PRRG1: variants seen among roughly 807,000 people sequenced by gnomAD.
The protein encoded by PRRG1 is transmembrane gamma-carboxyglutamic acid protein 1.
PRRG1 carries 5 observed loss-of-function variants against 11.8 expected under a neutral mutation model. The observed-to-expected ratio is 0.42, with a 90% confidence interval of 0.22 to 0.89. PRRG1 has a LOEUF of 0.89. Ranked by LOEUF, PRRG1 falls within the 40% of genes least tolerant of loss-of-function variation. PRRG1 has a pLI of 0.28. For synonymous variants in PRRG1, 66 were observed against 60.4 expected, an observed-to-expected ratio of 1.09 and a Z score of -0.43; for missense variants, 155 against 166.1, an observed-to-expected ratio of 0.93 and a Z score of 0.37.
intron 1 of PRRG1, among the ~76,000 whole-genome samples, chrX:37,354,594 C>G (rs1203324538): frequency 3.7e-5 from 4 of 108,743 alleles, no homozygotes; most frequent in African/African-American, 1.3e-4. Flanking sequence ...GGGTTTTCAC[C>G]GTGTTAGCCA....
chrX:37,410,430 T>A (rs1251071716), intron 2 of PRRG1, among the ~76,000 whole-genome samples: 3 of 112,026 alleles, frequency 2.7e-5, no homozygotes, highest in Non-Finnish European at 5.6e-5. Flanking sequence ...CATATCTTAA[T>A]CATCAGTAGT....
intron 1 of PRRG1, among the ~76,000 whole-genome samples, chrX:37,370,882 G>A (rs1402174491): frequency 4.5e-5 from 5 of 112,007 alleles, no homozygotes; most frequent in South Asian, 3.8e-4. Flanking sequence ...GGGTGCCAAC[G>A]AGCATGGGAG....
chrX:37,387,599 T>C (rs913512552), intron 1 of PRRG1, among the ~76,000 whole-genome samples: 45 of 110,992 alleles, frequency 4.1e-4, no homozygotes, highest in African/African-American at 1.5e-3. Context: ...GAGAACTCAC[T>C]ATCACAAGAA....
chrX:37,446,539 G>A (rs1602040851), intron 3 of PRRG1, among the ~76,000 whole-genome samples: 1 of 112,078 alleles, frequency 8.9e-6, no homozygotes. Flanking sequence ...TCATGTCCCT[G>A]ACTGCAGGCT....
chrX:37,455,093 T>C lies in PRRG1; in HGVS notation c.*1472T>C, dbSNP rs782719540. On this transcript the variant is annotated 3_prime_UTR_variant, in exon 4 of 4. Transcript: ENST00000378628. ...TTCCAGCTCCATCCCTACAGACTCC[T>C]CCCCGAGTCCTGCCCTGGAACCAAA... 1 of 111,071 alleles carries C rather than the reference T, an allele frequency of 9.0e-6. No individual in the cohort carries two copies. The highest frequency in any genetic ancestry group is 1.9e-5 in the Non-Finnish European group (1 of 53,004). 9.2% of individuals were successfully genotyped at this position (111,071 alleles called of 1,213,427 possible).
intron 1 of PRRG1, chrX:37,403,778 G>A: frequency 2.7e-6 from 2 of 752,663 alleles, no homozygotes; most frequent in Non-Finnish European, 1.6e-6. Flanking sequence ...AAGCAAGGAG[G>A]TAACCTGGGC....
chrX:37,382,370 C>T (rs1453007875), intron 1 of PRRG1, among the ~76,000 whole-genome samples: 2 of 111,007 alleles, frequency 1.8e-5, no homozygotes, highest in African/African-American at 6.5e-5. Context: ...TTTTCACACT[C>T]TTCTTCCCCA....
intron 2 of PRRG1, among the ~76,000 whole-genome samples, chrX:37,418,570 A>T (rs1213513177): frequency 8.9e-6 from 1 of 112,104 alleles, no homozygotes; most frequent in African/African-American, 3.2e-5. Context: ...AAGATTTTTA[A>T]AAACCATATT....
chrX:37,403,659 A>G (rs1445388249), intron 1 of PRRG1: 46 of 436,128 alleles, frequency 1.1e-4, no homozygotes, highest in Middle Eastern at 1.5e-3. Context: ...AAAATAAAAT[A>G]AAATAAAATA....
chrX:37,420,987 T>G (rs782359105), intron 2 of PRRG1, among the ~76,000 whole-genome samples: 1 of 112,350 alleles, frequency 8.9e-6, no homozygotes, highest in Admixed American at 9.4e-5. Flanking sequence ...ATGTTCAGTC[T>G]TACAATAGAG....
chrX:37,379,858 A>C (rs1569438397), intron 1 of PRRG1, among the ~76,000 whole-genome samples: 2 of 111,682 alleles, frequency 1.8e-5, no homozygotes, highest in Non-Finnish European at 3.8e-5. Context: ...GGATGCTGTG[A>C]CAAATGCAGA....
intron 3 of PRRG1, among the ~76,000 whole-genome samples, chrX:37,433,793 TGATA>T (rs1307277588): frequency 8.9e-6 from 1 of 112,406 alleles, no homozygotes; most frequent in Non-Finnish European, 1.9e-5. Context: ...CCAAGTTGGC[TGATA>T]GATAATAGAC....
intron 1 of PRRG1, among the ~76,000 whole-genome samples, chrX:37,360,240 A>G (rs1261456348): frequency 5.3e-5 from 6 of 112,165 alleles, no homozygotes; most frequent in Non-Finnish European, 9.4e-5. Flanking sequence ...GGAAACTTAG[A>G]TGATTGATTT....
chrX:37,434,467 T>C (rs1204694369), intron 3 of PRRG1, among the ~76,000 whole-genome samples: 3 of 111,959 alleles, frequency 2.7e-5, no homozygotes, highest in Non-Finnish European at 5.6e-5. Context: ...AAACCTTAAA[T>C]ATACCCAATT....
intron 3 of PRRG1, among the ~76,000 whole-genome samples, chrX:37,450,044 AG>A (rs1556396138): frequency 1.8e-5 from 2 of 112,708 alleles, no homozygotes; most frequent in African/African-American, 3.2e-5. Context: ...GTTTTTATTC[AG>A]ATCATTGTTA....
At chrX:37,440,941 C>T (rs41305239) in intron 3 of PRRG1, 2 of 580,054 alleles carry the variant, frequency 3.4e-6, no homozygotes, top group Non-Finnish European at 5.3e-6. Flanking sequence ...ATTTAAAAAA[C>T]AAAATTATGT....
chrX:37,427,615 T>A (rs1442270389), intron 3 of PRRG1, among the ~76,000 whole-genome samples: 1 of 112,469 alleles, frequency 8.9e-6, no homozygotes, highest in Admixed American at 9.4e-5. Context: ...ACTTCTCATT[T>A]CTTTCTCCCC....
At chrX:37,431,927 C>G (rs1190904841) in intron 3 of PRRG1, among the ~76,000 whole-genome samples, 1 of 107,929 alleles carries the variant, frequency 9.3e-6, no homozygotes, top group Non-Finnish European at 1.9e-5. Flanking sequence ...GCCACCATGT[C>G]CGGCTTTATA....
intron 3 of PRRG1, among the ~76,000 whole-genome samples, chrX:37,447,879 A>G (rs1478127964): frequency 8.9e-6 from 1 of 112,548 alleles, no homozygotes; most frequent in Non-Finnish European, 1.9e-5. Flanking sequence ...CATGCCATGG[A>G]TATATACCAA....
Sources: allele counts gnomAD v4.1 joint callset (sites outside exome capture counted in the v4.1 genomes callset), GRCh38; gene constraint gnomAD v4.1.1; transcripts MANE v1.5; gene names NCBI Gene and HGNC (gene_info 2026-07-23, HGNC 2026-07-21).